AXDND1: variants seen among roughly 807,000 people sequenced by gnomAD.
The protein encoded by AXDND1 is axonemal dynein light chain domain-containing protein 1.
A neutral mutation model predicts 137.5 loss-of-function variants in AXDND1; 110 were observed. The observed-to-expected ratio is 0.80, with a 90% CI of 0.69 to 0.94. The LOEUF (loss-of-function observed/expected upper bound fraction) is 0.94. Among genes scored for constraint, AXDND1 ranks in the 40% least tolerant of loss-of-function variants. AXDND1 has a pLI of 0.00. For synonymous variants in AXDND1, 414 were observed against 399.7 expected (o/e 1.04, Z -0.43); for missense variants, 1,191 against 1,169.8 (o/e 1.02, Z -0.26).
intron 25 of AXDND1, among the ~76,000 whole-genome samples, chr1:179,552,886 C>A (rs1180227541): frequency 3.9e-5 from 6 of 152,188 alleles, no homozygotes; most frequent in Non-Finnish European, 7.3e-5. Flanking sequence ...TGTATTATTG[C>A]TGATGCTACA....
chr1:179,409,280 AT>A (rs1306345011), intron 11 of AXDND1, among the ~76,000 whole-genome samples: 2 of 152,010 alleles, frequency 1.3e-5, no homozygotes, highest in Admixed American at 1.3e-4. Flanking sequence ...AACACTACTG[AT>A]TTTTGTATGT....
chr1:179,431,562 T>G (rs1056798457), intron 14 of AXDND1, among the ~76,000 whole-genome samples: 1 of 149,746 alleles, frequency 6.7e-6, no homozygotes, highest in Admixed American at 6.7e-5. Context: ...TTTCTAAGGT[T>G]TTTTTTTTTT....
chr1:179,437,684 A>G (rs530300993), intron 15 of AXDND1, among the ~76,000 whole-genome samples: 2 of 130,196 alleles, frequency 1.5e-5, no homozygotes, highest in South Asian at 4.7e-4. Flanking sequence ...GAAGACAGAG[A>G]CAAAACAACA....
At chr1:179,414,190 T>G (rs1654327658) in intron 12 of AXDND1, among the ~76,000 whole-genome samples, 1 of 130,850 alleles carries the variant, frequency 7.6e-6, no homozygotes, top group Non-Finnish European at 1.7e-5. Flanking sequence ...GAATACAAGA[T>G]AAATACAAAA....
At chr1:179,395,068 T>C in intron 10 of AXDND1, 30 bp from the exon 11 acceptor site, 12 of 1,568,398 alleles carry the variant, frequency 7.7e-6, no homozygotes, top group Non-Finnish European at 9.5e-6. Context: ...TCTCCAAATA[T>C]GAATTAAAAA....
At chr1:179,449,060 A>T (rs1558193885) in intron 16 of AXDND1, 2 of 419,010 alleles carry the variant, frequency 4.8e-6, no homozygotes, top group South Asian at 1.7e-5. Context: ...TAATTTTTTT[A>T]TTTTTTGTAG....
chr1:179,441,747 T>TTAAC (rs2125352942), intron 15 of AXDND1, among the ~76,000 whole-genome samples: 1 of 152,304 alleles, frequency 6.6e-6, no homozygotes, highest in East Asian at 1.9e-4. Flanking sequence ...GGAGTGCCAT[T>TTAAC]TAACATTCCA....
chr1:179,517,550 G>A (rs7512638), intron 21 of AXDND1, among the ~76,000 whole-genome samples: 46,531 of 152,102 alleles, frequency 0.31, 7,649 homozygotes, highest in Middle Eastern at 0.41. Flanking sequence ...GCCTCTGGCC[G>A]CCCTCCCGAA....
intron 12 of AXDND1, among the ~76,000 whole-genome samples, chr1:179,418,711 G>A (rs1401155431): frequency 6.0e-5 from 9 of 150,300 alleles, no homozygotes; most frequent in East Asian, 3.9e-4. Flanking sequence ...CTGGCCGGGC[G>A]GGGGGCTGAC....
intron 15 of AXDND1, among the ~76,000 whole-genome samples, chr1:179,441,266 T>C (rs1658950915): frequency 6.6e-6 from 1 of 152,228 alleles, no homozygotes; most frequent in Admixed American, 6.5e-5. Context: ...CACAGCATTG[T>C]AAGGTCCTTT....
chr1:179,398,000 T>C (rs1302267836), intron 11 of AXDND1, among the ~76,000 whole-genome samples: 1 of 152,180 alleles, frequency 6.6e-6, no homozygotes, highest in South Asian at 2.1e-4. Flanking sequence ...ATTTCTGCCA[T>C]CTCAGCCCAG....
Position 179,476,252 on chromosome 1 carries a change from C to T in AXDND1, c.1998-6876C>T, listed in dbSNP as rs142819264. Among the ~76,000 whole-genome samples the T allele has an allele frequency of 4.3e-4, 65 of 152,292 alleles. No homozygotes were observed. In the East Asian group the frequency reaches 0.012, roughly 28 times the overall value. On this transcript the variant is annotated intron_variant, in intron 17 of 25. Transcript: ENST00000367618. The stretch of plus-strand genomic sequence containing the variant: ...ATTTACCATCTGTCATCATTTCTAT[C>T]ACCCATTAGAGTTTGCTCCCATCCA...
chr1:179,474,015 G>C (rs1348441847), intron 17 of AXDND1, among the ~76,000 whole-genome samples: 1 of 152,110 alleles, frequency 6.6e-6, no homozygotes, highest in Non-Finnish European at 1.5e-5. Context: ...CCTGAGGTCA[G>C]GCGTTTGACA....
chr1:179,553,790 G>A (rs553015959), intron 25 of AXDND1, among the ~76,000 whole-genome samples: 38 of 152,054 alleles, frequency 2.5e-4, no homozygotes, highest in Admixed American at 1.7e-3. Flanking sequence ...TCTGTCACCC[G>A]GGCTGGAGTG....
chr1:179,485,440 C>T (rs1476482457), intron 18 of AXDND1, among the ~76,000 whole-genome samples: 2 of 152,170 alleles, frequency 1.3e-5, no homozygotes, highest in Admixed American at 6.5e-5. Flanking sequence ...CCTTGGACCC[C>T]TAAAATCTTC....
intron 15 of AXDND1, among the ~76,000 whole-genome samples, chr1:179,439,953 G>T (rs894572450): frequency 4.6e-5 from 7 of 152,140 alleles, no homozygotes; most frequent in African/African-American, 1.4e-4. Context: ...CCTTTCCATT[G>T]TCCTTCTTCT....
chr1:179,394,256 G>A (rs924359417), intron 10 of AXDND1, among the ~76,000 whole-genome samples: 2 of 152,096 alleles, frequency 1.3e-5, no homozygotes, highest in Non-Finnish European at 2.9e-5. Context: ...TGAAGACTCT[G>A]TATATATTTG....
intron 21 of AXDND1, among the ~76,000 whole-genome samples, chr1:179,520,618 A>G (rs1223849788): frequency 2.0e-5 from 3 of 151,876 alleles, no homozygotes; most frequent in South Asian, 2.1e-4. Context: ...TAAAAATAAG[A>G]TTTTTTAAAA....
chr1:179,393,319 G>A (rs1294457041), intron 9 of AXDND1, among the ~76,000 whole-genome samples: 3 of 152,204 alleles, frequency 2.0e-5, no homozygotes, highest in South Asian at 4.1e-4. Context: ...CTGTTCCGTT[G>A]GTCTATGTGC....
Sources: gnomAD v4.1 joint callset for allele counts (sites outside exome capture counted in the v4.1 genomes callset) on GRCh38, gnomAD v4.1.1 for gene constraint, MANE v1.5 for transcripts, NCBI Gene and HGNC (gene_info 2026-07-23, HGNC 2026-07-21) for gene names.